Variants in CTNNA3 observed in about 807,000 individuals in gnomAD.
The protein encoded by CTNNA3 is catenin alpha-3.
In CTNNA3, 76 loss-of-function variants were observed where a neutral mutation model predicts 95.7. The ratio of observed to expected loss-of-function variants is 0.79; its 90% CI spans 0.66 to 0.96. CTNNA3 has a LOEUF of 0.96. CTNNA3 is among the 40% of genes least tolerant of loss of function. The pLI is 0.00. For missense variants in CTNNA3, 1,191 were observed against 1,089.8 expected (o/e 1.09, Z -1.31); for synonymous variants, 431 against 374.4 (o/e 1.15, Z -1.74).
At chr10:66,225,045 T>G (rs1213547226) in intron 13 of CTNNA3, among the ~76,000 whole-genome samples, 1 of 152,042 alleles carries the variant, frequency 6.6e-6, no homozygotes, top group African/African-American at 2.4e-5. Context: ...CTAGGAACAT[T>G]TAAAATCCTT....
intron 5 of CTNNA3, among the ~76,000 whole-genome samples, chr10:67,460,512 T>C (rs1323244393): frequency 6.6e-6 from 1 of 152,202 alleles, no homozygotes; most frequent in Admixed American, 6.6e-5. Flanking sequence ...ATACTGCAAT[T>C]AGTAAAAATT....
chr10:67,292,871 C>G (rs1164923407), intron 5 of CTNNA3, among the ~76,000 whole-genome samples: 1 of 152,014 alleles, frequency 6.6e-6, no homozygotes, highest in Non-Finnish European at 1.5e-5. Context: ...CCATGTATCA[C>G]AATTAATGTT....
intron 1 of CTNNA3, among the ~76,000 whole-genome samples, chr10:67,714,598 C>T (rs1156275056): frequency 6.6e-6 from 1 of 152,162 alleles, no homozygotes; most frequent in Non-Finnish European, 1.5e-5. Flanking sequence ...TGACTGTGGA[C>T]TTTTGAGTTA....
chr10:67,478,186 T>C (rs144020365), intron 5 of CTNNA3, among the ~76,000 whole-genome samples: 88 of 152,334 alleles, frequency 5.8e-4, no homozygotes, highest in Non-Finnish European at 1.2e-3. Flanking sequence ...TAGGGAATTA[T>C]GTAAAGTGAC....
At chr10:66,830,687 G>A (rs915624945) in intron 7 of CTNNA3, among the ~76,000 whole-genome samples, 2 of 151,428 alleles carry the variant, frequency 1.3e-5, no homozygotes, top group East Asian at 1.9e-4. Context: ...TCGGCTCACC[G>A]CAAGCTCCGC....
chr10:66,295,805 C>A (rs901645185), intron 12 of CTNNA3, among the ~76,000 whole-genome samples: 24 of 152,050 alleles, frequency 1.6e-4, no homozygotes, highest in Admixed American at 1.6e-3. Context: ...ACACAAAGGA[C>A]AAGATAATTG....
At chr10:66,765,081 G>A (rs192247141) in intron 9 of CTNNA3, among the ~76,000 whole-genome samples, 2 of 152,232 alleles carry the variant, frequency 1.3e-5, no homozygotes, top group Non-Finnish European at 2.9e-5. Flanking sequence ...GAGGTGGAAC[G>A]GCTTTGGGCT....
intron 5 of CTNNA3, among the ~76,000 whole-genome samples, chr10:67,294,424 T>A (rs1839956733): frequency 6.6e-6 from 1 of 152,174 alleles, no homozygotes; most frequent in South Asian, 2.1e-4. Context: ...CAATAATATG[T>A]TCCCTTCTGT....
At chr10:66,523,208 G>A (rs74141571) in intron 10 of CTNNA3, among the ~76,000 whole-genome samples, 4,007 of 152,240 alleles carry the variant, frequency 0.026, 184 homozygotes, top group African/African-American at 0.091. Flanking sequence ...CAATTGGACA[G>A]CTACGTACAC....
At chr10:66,004,523 C>T (rs2078840207) in intron 15 of CTNNA3, among the ~76,000 whole-genome samples, 1 of 152,160 alleles carries the variant, frequency 6.6e-6, no homozygotes, top group African/African-American at 2.4e-5. Flanking sequence ...GATCGACCAT[C>T]CGATGTTCCC....
At chr10:66,752,576 A>C (rs985801916) in intron 9 of CTNNA3, among the ~76,000 whole-genome samples, 7 of 152,116 alleles carry the variant, frequency 4.6e-5, no homozygotes, top group Non-Finnish European at 7.4e-5. Context: ...AAATTTAATA[A>C]GTTTGATTTC....
At chr10:67,290,452 A>G (rs10823019) in intron 5 of CTNNA3, among the ~76,000 whole-genome samples, 21,464 of 152,164 alleles carry the variant, frequency 0.14, 2,069 homozygotes, top group African/African-American at 0.28. Context: ...GAGACAATTG[A>G]GAATTTAATA....
At chr10:67,517,862 C>T (rs1415793923) in intron 5 of CTNNA3, among the ~76,000 whole-genome samples, 4 of 152,076 alleles carry the variant, frequency 2.6e-5, no homozygotes, top group African/African-American at 4.8e-5. Flanking sequence ...CAGTGCTGGA[C>T]CCTATGTACA....
At chr10:66,146,065 G>A (rs2083871411) in intron 13 of CTNNA3, among the ~76,000 whole-genome samples, 1 of 152,146 alleles carries the variant, frequency 6.6e-6, no homozygotes, top group African/African-American at 2.4e-5. Flanking sequence ...TGTTGGCCAG[G>A]ATGGTCTTGA....
chr10:66,820,145 T>G lies in CTNNA3; in HGVS notation c.1048-44621A>C, dbSNP rs147880440. Among the ~76,000 whole-genome samples the G allele has an allele frequency of 4.2e-3, 642 of 152,096 alleles. 6 individuals carry two copies. The highest frequency in any genetic ancestry group is 0.014 in the African/African-American group (583 of 41,512). ...TACAGCATATTCATACAATATAATA[T>G]TATTCCATCATAAAAATGGAATGAA... is the stretch of plus-strand genomic sequence containing the variant. On this transcript the variant is annotated intron_variant, in intron 7 of 17. Coordinates refer to ENST00000433211, the MANE Select transcript of CTNNA3 (RefSeq NM_013266.4).
chr10:66,591,590 C>A (rs1385969204), intron 10 of CTNNA3, among the ~76,000 whole-genome samples: 1 of 152,058 alleles, frequency 6.6e-6, no homozygotes, highest in East Asian at 1.9e-4. Context: ...AAACTTACCC[C>A]TCTTTTACCT....
chr10:66,429,014 A>T (rs1391857773), intron 11 of CTNNA3, among the ~76,000 whole-genome samples: 5 of 152,118 alleles, frequency 3.3e-5, no homozygotes, highest in Non-Finnish European at 7.4e-5. Flanking sequence ...TAGCAAGACT[A>T]ATAAAGAAGA....
intron 11 of CTNNA3, among the ~76,000 whole-genome samples, chr10:66,431,665 C>T (rs192278148): frequency 2.0e-3 from 296 of 148,452 alleles, no homozygotes; most frequent in Non-Finnish European, 3.4e-3. Flanking sequence ...CCAAACACCG[C>T]ATTTTCTCAC....
At chr10:66,140,636 CCTGAATAACT>C (rs2083566745) in intron 13 of CTNNA3, among the ~76,000 whole-genome samples, 1 of 152,186 alleles carries the variant, frequency 6.6e-6, no homozygotes. Flanking sequence ...GAACAACATA[CCTGAATAACT>C]CTTTAGGAAC....
Sources: allele counts gnomAD v4.1 joint callset (sites outside exome capture counted in the v4.1 genomes callset), GRCh38; gene constraint gnomAD v4.1.1; transcripts MANE v1.5; gene names NCBI Gene and HGNC (gene_info 2026-07-23, HGNC 2026-07-21).